RAB31: variants seen among roughly 807,000 people sequenced by gnomAD.
The protein encoded by RAB31 is ras-related protein Rab-31.
In RAB31, 21 loss-of-function variants were observed where a neutral mutation model predicts 25.6. That is an observed-to-expected ratio of 0.82 (90% CI 0.58 to 1.18). RAB31 has a LOEUF of 1.18. RAB31 is among the 50% of genes most tolerant of loss of function. The probability of loss-of-function intolerance (pLI) is 0.00; values close to 1 mark genes in which losing one functional copy is unlikely to be tolerated. For synonymous variants in RAB31, 87 were observed against 84.0 expected, an observed-to-expected ratio of 1.04 and a Z score of -0.20; for missense variants, 196 against 250.1, an observed-to-expected ratio of 0.78 and a Z score of 1.46.
At chr18:9,732,365 A>C (rs2068127757) in intron 1 of RAB31, among the ~76,000 whole-genome samples, 1 of 152,168 alleles carries the variant, frequency 6.6e-6, no homozygotes, top group South Asian at 2.1e-4. Flanking sequence ...TCCTGCACCC[A>C]CTGCAGCAGG....
At chr18:9,710,750 C>T (rs926133980) in intron 1 of RAB31, among the ~76,000 whole-genome samples, 5 of 151,932 alleles carry the variant, frequency 3.3e-5, no homozygotes, top group African/African-American at 9.7e-5. Context: ...CCCAGCTACT[C>T]GGGAGGCTGA....
intron 1 of RAB31, among the ~76,000 whole-genome samples, chr18:9,768,828 G>A (rs990409529): frequency 6.6e-6 from 1 of 152,104 alleles, no homozygotes; most frequent in East Asian, 1.9e-4. Flanking sequence ...GGGGTTTTAG[G>A]TCTTAGGTTT....
intron 6 of RAB31, chr18:9,856,474 T>C (rs898176734): frequency 6.6e-6 from 1 of 152,238 alleles, no homozygotes; most frequent in Non-Finnish European, 1.5e-5. Context: ...CTTTAATTTG[T>C]GTACTTTCCA....
Position 9,831,420 on chromosome 18 carries a change from G to A in RAB31, c.381-14162G>A, listed in dbSNP as rs113536602. Among the ~76,000 whole-genome samples the A allele has an allele frequency of 8.3e-3, 1,263 of 152,268 alleles. 20 individuals carry two copies. The highest frequency in any genetic ancestry group is 0.028 in the African/African-American group (1,181 of 41,548). On this transcript the variant is annotated intron_variant, in intron 5 of 6. Coordinates refer to ENST00000578921, the MANE Select transcript of RAB31 (RefSeq NM_006868.4). ...ATTTATCTTGGATATTTTTGGCTCC[G>A]GCCCTATAGTCGGCCTGACTCCTTT...
chr18:9,795,221 A>T (rs575670828), intron 3 of RAB31, among the ~76,000 whole-genome samples: 1 of 152,338 alleles, frequency 6.6e-6, no homozygotes, highest in Admixed American at 6.5e-5. Flanking sequence ...CTCATCTCTC[A>T]CCCTATACAA....
In RAB31 at chr18:9,743,053, T is replaced by G. The variant is rs6506689; in HGVS notation, c.40-32225T>G. ...TTGGACTTGTCCATTTAGAAAGCAGTGTAAACAGGCTCTGAAATGCCATTG... is the reference window on the plus strand; with the variant it reads ...TTGGACTTGTCCATTTAGAAAGCAGGGTAAACAGGCTCTGAAATGCCATTG... On this transcript the variant is annotated intron_variant, in intron 1 of 6. Transcript: ENST00000578921. 0.28 allele frequency among the ~76,000 whole-genome samples: 42,407 copies of G among 152,140 alleles called. 7,226 individuals are homozygous for G. Among genetic ancestry groups the G allele is most frequent in the East Asian group, 0.66 (3,416 of 5,178 alleles).
intron 1 of RAB31, among the ~76,000 whole-genome samples, chr18:9,718,774 A>G (rs768685692): frequency 6.6e-6 from 1 of 152,048 alleles, no homozygotes; most frequent in Non-Finnish European, 1.5e-5. Flanking sequence ...TTGCAGACTG[A>G]GTCTTCCCAT....
intron 5 of RAB31, among the ~76,000 whole-genome samples, chr18:9,844,529 T>C (rs1309360114): frequency 6.6e-6 from 1 of 152,196 alleles, no homozygotes; most frequent in Admixed American, 6.5e-5. Context: ...AAGCACTTTA[T>C]GTCGCAGTGT....
intron 1 of RAB31, among the ~76,000 whole-genome samples, chr18:9,734,548 G>A (rs986177863): frequency 9.2e-5 from 14 of 152,184 alleles, no homozygotes; most frequent in African/African-American, 3.1e-4. Context: ...ATCTGCAGGT[G>A]TGGAGGGGTG....
intron 6 of RAB31, among the ~76,000 whole-genome samples, chr18:9,855,184 T>G (rs2068809369): frequency 6.6e-6 from 1 of 152,188 alleles, no homozygotes; most frequent in Admixed American, 6.5e-5. Context: ...CATACTGTGT[T>G]CCTGTGGAAT....
At chr18:9,760,435 A>C (rs1352630004) in intron 1 of RAB31, among the ~76,000 whole-genome samples, 2 of 152,146 alleles carry the variant, frequency 1.3e-5, no homozygotes, top group African/African-American at 4.8e-5. Context: ...AGCCTCCCAA[A>C]GTGCTGGGAT....
At chr18:9,813,146 A>G (rs1047694832) in intron 3 of RAB31, among the ~76,000 whole-genome samples, 20 of 152,244 alleles carry the variant, frequency 1.3e-4, no homozygotes, top group African/African-American at 4.6e-4. Context: ...TGCTTTGTTA[A>G]CATTTTGGAA....
intron 2 of RAB31, among the ~76,000 whole-genome samples, chr18:9,779,445 T>G (rs890807504): frequency 6.6e-6 from 1 of 152,182 alleles, no homozygotes; most frequent in Non-Finnish European, 1.5e-5. Context: ...CGTATCACAC[T>G]TTACCTAACA....
At chr18:9,760,427 C>T in intron 1 of RAB31, among the ~76,000 whole-genome samples, 1 of 152,182 alleles carries the variant, frequency 6.6e-6, no homozygotes, top group Non-Finnish European at 1.5e-5. Context: ...CCCACGTAAG[C>T]CTCCCAAAGT....
Position 9,845,526 on chromosome 18 carries a change from A to T in RAB31, c.381-56A>T, listed in dbSNP as rs371330947. ...CACAAGCTGTCTGGTCTTTTGGGTG[A>T]TTTGTATTTTACAAACAAACATTCA... On this transcript the variant is annotated intron_variant, in intron 5 of 6. Transcript: ENST00000578921. 8.4e-6 allele frequency: 12 copies of T among 1,434,832 alleles called. No homozygotes were observed. The East Asian group carries it at 3.1e-4, about 37-fold the overall frequency. The allele number at this position is 1,434,832 out of a possible 1,614,324, so 88.9% of individuals were successfully genotyped here.
chr18:9,764,303 T>C (rs1411910502), intron 1 of RAB31, among the ~76,000 whole-genome samples: 1 of 152,220 alleles, frequency 6.6e-6, no homozygotes, highest in East Asian at 1.9e-4. Context: ...CATAATCTTT[T>C]TATCCCCTGT....
intron 3 of RAB31, among the ~76,000 whole-genome samples, chr18:9,808,770 A>G (rs1478564241): frequency 1.3e-5 from 2 of 152,120 alleles, no homozygotes; most frequent in African/African-American, 2.4e-5. Flanking sequence ...TCATAATACA[A>G]AGCCCATCAC....
chr18:9,724,290 A>C (rs899919491), intron 1 of RAB31, among the ~76,000 whole-genome samples: 4 of 137,448 alleles, frequency 2.9e-5, no homozygotes, highest in Non-Finnish European at 6.2e-5. Flanking sequence ...AAAAAAAACA[A>C]AAAAAAAACA....
intron 6 of RAB31, chr18:9,856,475 G>A (rs945104976): frequency 6.6e-6 from 1 of 152,100 alleles, no homozygotes; most frequent in Non-Finnish European, 1.5e-5. Context: ...TTTAATTTGT[G>A]TACTTTCCAA....
Sources: allele counts gnomAD v4.1 joint callset (sites outside exome capture counted in the v4.1 genomes callset), GRCh38; gene constraint gnomAD v4.1.1; transcripts MANE v1.5; gene names NCBI Gene and HGNC (gene_info 2026-07-23, HGNC 2026-07-21).